CSMD1: variants seen among roughly 807,000 people sequenced by gnomAD.
The protein encoded by CSMD1 is CUB and Sushi multiple domains 1.
A neutral mutation model predicts 417.5 loss-of-function variants in CSMD1; 213 were observed. That is an observed-to-expected ratio of 0.51 (90% confidence interval 0.46 to 0.57). The LOEUF (loss-of-function observed/expected upper bound fraction) is 0.57, where lower values mean the gene tolerates loss of function less well. Ranked by LOEUF, CSMD1 falls within the 20% of genes least tolerant of loss-of-function variation. The pLI, the probability that CSMD1 is intolerant of heterozygous loss-of-function variation, is 0.00. For synonymous variants in CSMD1, 2,862 were observed against 1,736.8 expected, an observed-to-expected ratio of 1.65 and a Z score of -16.11; for missense variants, 6,923 against 4,529.7, an observed-to-expected ratio of 1.53 and a Z score of -15.17.
chr8:3,651,201 C>T (rs1026049612), intron 7 of CSMD1, among the ~76,000 whole-genome samples: 1 of 152,150 alleles, frequency 6.6e-6, no homozygotes, highest in Non-Finnish European at 1.5e-5. Context: ...ATTCTCAACA[C>T]AGCTCACATG....
intron 3 of CSMD1, among the ~76,000 whole-genome samples, chr8:4,175,028 A>G (rs963099440): frequency 6.6e-6 from 1 of 151,700 alleles, no homozygotes; most frequent in Non-Finnish European, 1.5e-5. Flanking sequence ...CACTTTAAGT[A>G]TATTACATTC....
chr8:3,885,477 G>T (rs1312299024), intron 5 of CSMD1, among the ~76,000 whole-genome samples: 1 of 152,120 alleles, frequency 6.6e-6, no homozygotes, highest in Non-Finnish European at 1.5e-5. Context: ...GCTTTTCTCA[G>T]AGATGAAAAT....
In CSMD1 at chr8:2,964,136, G is replaced by T. The variant is rs148480757; in HGVS notation, c.9281-741C>A. Among the ~76,000 whole-genome samples the T allele has an allele frequency of 9.3e-3, 1,409 of 152,284 alleles. 9 individuals are homozygous for T. The highest frequency in any genetic ancestry group is 0.017 in the Middle Eastern group (5 of 294). ...AAGATACACAACTTCCCTAGTTTTT[G>T]AAATGAATGGAAGTTTCCAAGTGAC... On this transcript the variant is annotated intron_variant, in intron 59 of 69. Coordinates refer to ENST00000635120, the MANE Select transcript of CSMD1 (RefSeq NM_033225.6).
At chr8:4,148,565 A>T (rs1796401733) in intron 3 of CSMD1, among the ~76,000 whole-genome samples, 1 of 151,986 alleles carries the variant, frequency 6.6e-6, no homozygotes, top group Non-Finnish European at 1.5e-5. Context: ...AGGCTGAGAC[A>T]TTCAAGCTCT....
At chr8:4,436,973 T>G (rs10088101) in intron 2 of CSMD1, among the ~76,000 whole-genome samples, 1 of 152,124 alleles carries the variant, frequency 6.6e-6, no homozygotes, top group African/African-American at 2.4e-5. Flanking sequence ...GTGCTGCAAT[T>G]TGAATTTCTT....
At chr8:3,922,967 T>C (rs1399309936) in intron 5 of CSMD1, among the ~76,000 whole-genome samples, 1 of 152,170 alleles carries the variant, frequency 6.6e-6, no homozygotes, top group Admixed American at 6.5e-5. Context: ...GAGGTGTTCA[T>C]CCAGGGCTGT....
chr8:3,781,858 G>A (rs1018383693), intron 5 of CSMD1, among the ~76,000 whole-genome samples: 1 of 152,020 alleles, frequency 6.6e-6, no homozygotes, highest in African/African-American at 2.4e-5. Context: ...TTTGTTCAAT[G>A]GCATTTTCCC....
chr8:4,804,265 TAATTATTG>T (rs1468564189), intron 1 of CSMD1, among the ~76,000 whole-genome samples: 1 of 152,176 alleles, frequency 6.6e-6, no homozygotes, highest in Non-Finnish European at 1.5e-5. Context: ...AATAAGCCTC[TAATTATTG>T]AAGCTGGAAA....
chr8:3,810,677 A>T (rs1801017782), intron 5 of CSMD1, among the ~76,000 whole-genome samples: 1 of 152,154 alleles, frequency 6.6e-6, no homozygotes, highest in Admixed American at 6.5e-5. Context: ...CTTTTCTGGG[A>T]TAGAATAGAA....
chr8:3,832,398 T>G (rs1203719556), intron 5 of CSMD1, among the ~76,000 whole-genome samples: 3 of 152,224 alleles, frequency 2.0e-5, no homozygotes, highest in African/African-American at 4.8e-5. Flanking sequence ...TCAATTGAAT[T>G]ATTTTAAACT....
At chr8:4,486,852 C>T (rs753835390) in intron 2 of CSMD1, among the ~76,000 whole-genome samples, 2 of 152,116 alleles carry the variant, frequency 1.3e-5, no homozygotes, top group Non-Finnish European at 2.9e-5. Flanking sequence ...TTATTAATTA[C>T]ACATCAAGCT....
At chr8:3,170,355 C>G (rs1820501420) in intron 37 of CSMD1, among the ~76,000 whole-genome samples, 1 of 152,130 alleles carries the variant, frequency 6.6e-6, no homozygotes, top group Non-Finnish European at 1.5e-5. Context: ...CTACAGGCGC[C>G]TACCACCATA....
chr8:4,115,671 T>C (rs1014838336), intron 3 of CSMD1, among the ~76,000 whole-genome samples: 3 of 152,170 alleles, frequency 2.0e-5, no homozygotes, highest in Non-Finnish European at 2.9e-5. Context: ...TTGCTAAAAT[T>C]TGGAAGCGAC....
chr8:3,329,280 A>T (rs1172869764), intron 23 of CSMD1, among the ~76,000 whole-genome samples: 1 of 152,164 alleles, frequency 6.6e-6, no homozygotes, highest in African/African-American at 2.4e-5. Flanking sequence ...ACACATTTCC[A>T]GCAAGCAAAG....
chr8:4,839,358 A>C (rs1050585644), intron 1 of CSMD1, among the ~76,000 whole-genome samples: 1 of 152,234 alleles, frequency 6.6e-6, no homozygotes, highest in Non-Finnish European at 1.5e-5. Context: ...CCAAGCAAAT[A>C]TATTTCATAA....
rs547202394 is a variant in CSMD1, at chr8:3,269,298, G to A, written c.4153+14846C>T. 7.9e-4 allele frequency among the ~76,000 whole-genome samples: 120 copies of A among 152,344 alleles called. 1 individual carries two copies. The highest frequency in any genetic ancestry group is 1.7e-3 in the South Asian group (8 of 4,832). The stretch of plus-strand genomic sequence containing the variant: ...GGCCAGTTCTCTGCCAGTCCCATGA[G>A]GAAGATGCCGAGAGCAGAGGGGAGC... On this transcript the variant is annotated intron_variant, in intron 26 of 69. Coordinates refer to ENST00000635120, the MANE Select transcript of CSMD1 (RefSeq NM_033225.6).
chr8:3,523,836 CAGAG>C (rs60195603), intron 10 of CSMD1, among the ~76,000 whole-genome samples: 1 of 150,310 alleles, frequency 6.7e-6, no homozygotes, highest in African/African-American at 2.5e-5. Flanking sequence ...CATGCACACC[CAGAG>C]ACACATGTGC....
chr8:2,983,265 C>A (rs1049075505), intron 54 of CSMD1, among the ~76,000 whole-genome samples: 1 of 152,112 alleles, frequency 6.6e-6, no homozygotes, highest in African/African-American at 2.4e-5. Flanking sequence ...CGGCTCACTG[C>A]AAGCTCCACC....
intron 25 of CSMD1, among the ~76,000 whole-genome samples, chr8:3,291,850 A>G (rs1281568610): frequency 1.3e-5 from 2 of 151,556 alleles, no homozygotes; most frequent in African/African-American, 4.9e-5. Flanking sequence ...GATCTTAGTT[A>G]TTTCTTGCCT....
Sources: gnomAD v4.1 joint callset for allele counts (sites outside exome capture counted in the v4.1 genomes callset) on GRCh38, gnomAD v4.1.1 for gene constraint, MANE v1.5 for transcripts, NCBI Gene and HGNC (gene_info 2026-07-23, HGNC 2026-07-21) for gene names.